BRSK2: variants seen among roughly 807,000 people sequenced by gnomAD.
The protein encoded by BRSK2 is BR serine/threonine kinase 2.
A neutral mutation model predicts 83.3 loss-of-function variants in BRSK2; 19 were observed. That is an observed-to-expected ratio of 0.23 (90% CI 0.16 to 0.33). BRSK2 has a LOEUF of 0.33. Among genes scored for constraint, BRSK2 ranks in the 10% least tolerant of loss-of-function variants. BRSK2 has a pLI of 1.00. For missense variants in BRSK2, 798 were observed against 1,042.3 expected (o/e 0.77, Z 3.23); for synonymous variants, 519 against 435.4 (o/e 1.19, Z -2.39).
intron 1 of BRSK2, among the ~76,000 whole-genome samples, chr11:1,429,292 G>C (rs1440081274): frequency 9.1e-6 from 1 of 110,088 alleles, no homozygotes; most frequent in African/African-American, 5.0e-5. Context: ...TGTGTGCACT[G>C]GGCGTGTGTC....
intron 1 of BRSK2, among the ~76,000 whole-genome samples, chr11:1,418,869 G>T (rs943924273): frequency 3.9e-5 from 6 of 152,240 alleles, no homozygotes; most frequent in African/African-American, 1.4e-4. Flanking sequence ...GCAAATTTCT[G>T]TTCAGCTCTA....
At chr11:1,424,449 G>T (rs1448902966) in intron 1 of BRSK2, among the ~76,000 whole-genome samples, 1 of 152,256 alleles carries the variant, frequency 6.6e-6, no homozygotes, top group African/African-American at 2.4e-5. Context: ...CAGGCAGACA[G>T]TGGAGGCTGT....
At chr11:1,443,464 G>A (rs1851625052) in intron 7 of BRSK2, 25 bp from the exon 8 acceptor site, 2 of 1,573,156 alleles carry the variant, frequency 1.3e-6, no homozygotes, top group African/African-American at 2.7e-5. Flanking sequence ...CCCCCACGCT[G>A]ACCCCCACAC....
In BRSK2 at chr11:1,423,408, G is replaced by A. The variant is rs2132864304; in HGVS notation, c.92-12632G>A. Among the ~76,000 whole-genome samples, 1 of 152,236 alleles carries A rather than the reference G, an allele frequency of 6.6e-6. No individual in the cohort carries two copies. The highest frequency in any genetic ancestry group is 1.9e-4 in the East Asian group (1 of 5,164). On this transcript the variant is annotated intron_variant, in intron 1 of 19. Coordinates refer to ENST00000528841, the MANE Select transcript of BRSK2 (RefSeq NM_001256627.2). This position sits in a 1 kb window ranked among gnomAD's most constrained non-coding sequence, Gnocchi z 6.5. ...TCAGGCACGTGGAGAGTGTGTGTGG[G>A]GAGAAGTTCTGAGACTGTGGGAGGG...
intron 1 of BRSK2, among the ~76,000 whole-genome samples, chr11:1,409,007 C>A (rs1847132902): frequency 6.6e-6 from 1 of 151,416 alleles, no homozygotes; most frequent in Non-Finnish European, 1.5e-5. Context: ...CAGGGGTGTG[C>A]ATATGTGTCT....
chr11:1,396,247 A>ACCCACGTCCCCCG lies in BRSK2; in HGVS notation c.91+5873_91+5874insCCACGTCCCCCGC, dbSNP rs1846096522. Among the ~76,000 whole-genome samples the ACCCACGTCCCCCG allele has an allele frequency of 6.1e-5, 6 of 98,740 alleles. No individual in the cohort carries two copies. The South Asian group carries it at 1.9e-3, about 31-fold the overall frequency. 64.8% of individuals were successfully genotyped at this position (98,740 alleles called of 152,430 possible). On this transcript the variant is annotated intron_variant, in intron 1 of 19. Transcript: ENST00000528841. ...CTCTTCCCTTCCACCCACGTCCCCC[A>ACCCACGTCCCCCG]CTCCTGGTCCCTCTTCCCTTCCACC... is the stretch of plus-strand genomic sequence containing the variant.
chr11:1,417,509 C>T (rs1253348146), intron 1 of BRSK2, among the ~76,000 whole-genome samples: 1 of 150,564 alleles, frequency 6.6e-6, no homozygotes, highest in Non-Finnish European at 1.5e-5. Context: ...GCTGTTTCTT[C>T]TCTTGAGAGT....
At chr11:1,429,314 T>C (rs1237143398) in intron 1 of BRSK2, among the ~76,000 whole-genome samples, 3 of 108,798 alleles carry the variant, frequency 2.8e-5, no homozygotes, top group Admixed American at 9.2e-5. Context: ...TGGGTGTGTG[T>C]GCGTGTGCGC....
chr11:1,442,418 G>A (rs1851467401), intron 4 of BRSK2, 72 bp from the exon 5 acceptor site: 1 of 1,188,376 alleles, frequency 8.4e-7, no homozygotes, highest in Non-Finnish European at 1.2e-6. Context: ...GCTCTGGGCA[G>A]GGGGTCTCCA....
At position 1,407,358 on chromosome 11, in the gene BRSK2, C is replaced by A. The variant is rs114215723; in HGVS notation, c.91+16983C>A. Among the ~76,000 whole-genome samples the A allele has an allele frequency of 9.0e-3, 1,371 of 152,298 alleles. 21 individuals carry two copies. The highest frequency in any genetic ancestry group is 0.031 in the African/African-American group (1,276 of 41,568). ...GCCCTCTGGCAACACCGTGGTGTCC[C>A]CACAGGAAGTAGGTTCCTGGCCCCA... On this transcript the variant is annotated intron_variant, in intron 1 of 19. Coordinates refer to ENST00000528841, the MANE Select transcript of BRSK2 (RefSeq NM_001256627.2).
In BRSK2 at chr11:1,438,533, T is replaced by G. The variant is rs1266108017; in HGVS notation, c.272+142T>G. 1.4e-6 allele frequency: 1 copy of G among 710,242 alleles called. No homozygotes were observed. Among genetic ancestry groups the G allele is most frequent in the Admixed American group, 2.6e-5 (1 of 38,768 alleles). The allele number at this position is 710,242 out of a possible 1,614,324, so 44.0% of individuals were successfully genotyped here. On this transcript the variant is annotated intron_variant, in intron 3 of 19. Transcript: ENST00000528841. This position sits in a 1 kb window ranked among gnomAD's most constrained non-coding sequence, Gnocchi z 6.4. ...CCCAGCAGCCCTGGCCCTGCTAGCA[T>G]GAACACCTGCCTGGGTAGGGTCTCA... is the stretch of plus-strand genomic sequence containing the variant.
rs1375554972 is a variant in BRSK2 at position 1,454,204 on chromosome 11, G to C, written c.1545-281G>C. 5 of 316,008 alleles carry C rather than the reference G, an allele frequency of 1.6e-5. No homozygotes were observed. The highest frequency in any genetic ancestry group is 1.4e-4 in the South Asian group (4 of 28,432). The allele number at this position is 316,008 out of a possible 1,614,324, so 19.6% of individuals were successfully genotyped here. A position where few individuals can be genotyped will look rare whatever the true frequency, so the allele number is the denominator to read the frequency against. ...GCTCACCTGTGGAGGGGCATCCCCAGACTTGGGAGTGGGTGGCATATGGGC... is the reference window on the plus strand; with the variant it reads ...GCTCACCTGTGGAGGGGCATCCCCACACTTGGGAGTGGGTGGCATATGGGC... On this transcript the variant is annotated intron_variant, in intron 15 of 19. Coordinates refer to ENST00000528841, the MANE Select transcript of BRSK2 (RefSeq NM_001256627.2). This position sits in a 1 kb window ranked among gnomAD's most constrained non-coding sequence, Gnocchi z 5.2.
rs61869030 is a variant in BRSK2 at position 1,451,752 on chromosome 11, C to T, written c.1544+333C>T. Among the ~76,000 whole-genome samples, 1,104 of 152,260 alleles carry T rather than the reference C, an allele frequency of 7.3e-3. 7 individuals are homozygous for T. Among genetic ancestry groups the T allele is most frequent in the Non-Finnish European group, 0.011 (743 of 68,002 alleles). On this transcript the variant is annotated intron_variant, in intron 15 of 19. Transcript: ENST00000528841. ...GGCAGAGACCGGGTCGCTCAGGTCTCAAGGAGAAAGCAGCCCGTGTTAAGA... is the reference window on the plus strand; with the variant it reads ...GGCAGAGACCGGGTCGCTCAGGTCTTAAGGAGAAAGCAGCCCGTGTTAAGA...
chr11:1,454,733 C>T lies in BRSK2; in HGVS notation c.1668+125C>T. ...GCGCACAGCACGGACGTCCGCTCAC[C>T]CGTGGGCCTGCCTGGCCGCCTTCAC... On this transcript the variant is annotated intron_variant, in intron 16 of 19. Coordinates refer to ENST00000528841, the MANE Select transcript of BRSK2 (RefSeq NM_001256627.2). This position sits in a 1 kb window ranked among gnomAD's most constrained non-coding sequence, Gnocchi z 5.2. 7.7e-7 allele frequency: 1 copy of T among 1,293,006 alleles called. No homozygotes were observed. The highest frequency in any genetic ancestry group is 1.1e-6 in the Non-Finnish European group (1 of 949,468). The allele number at this position is 1,293,006 out of a possible 1,614,324, so 80.1% of individuals were successfully genotyped here. A position where few individuals can be genotyped will look rare whatever the true frequency, so the allele number is the denominator to read the frequency against.
At chr11:1,392,532 G>T (rs138897473) in intron 1 of BRSK2, among the ~76,000 whole-genome samples, 3 of 152,216 alleles carry the variant, frequency 2.0e-5, no homozygotes, top group Non-Finnish European at 2.9e-5. Context: ...TGAGAGGGAG[G>T]TGGTCAGTGG....
Position 1,461,095 on chromosome 11 carries a change from GC to G in BRSK2, c.*376del. ...GCCGGGCAGTGAGGCCCAGCCCAGC[GC>G]CCCGTCCACCCCGCGGCAGCTCCTC... On this transcript the variant is annotated 3_prime_UTR_variant, in exon 20 of 20. Transcript: ENST00000528841. The G allele has an allele frequency of 6.6e-7, 1 of 1,519,978 alleles. No individual in the cohort carries two copies. The allele number at this position is 1,519,978 out of a possible 1,614,324, so 94.2% of individuals were successfully genotyped here.
At position 1,445,887 on chromosome 11, in the gene BRSK2, G is replaced by T. The variant is rs376516938; in HGVS notation, c.1206G>T (p.Glu402Asp). 16 of 1,610,930 alleles carry T rather than the reference G, an allele frequency of 9.9e-6. 1 individual carries two copies. The South Asian group carries it at 1.8e-4, about 18-fold the overall frequency. Residue 402 changes from glutamate to aspartate, a missense_variant, in exon 12 of 20, where the codon GAG (glutamate) becomes GAT (aspartate). Coordinates refer to ENST00000528841, the MANE Select transcript of BRSK2 (RefSeq NM_001256627.2). ...GSPVPARRAI[E>D]MAQHGQRSRS... is the part of the protein sequence containing the mutation. ...CGGTGCCTGCGCGGCGGGCCATTGA[G>T]ATGGCCCAGCACGGCCAGAGGTGTG...
At chr11:1,422,342 C>T (rs544636082) in intron 1 of BRSK2, among the ~76,000 whole-genome samples, 10 of 152,240 alleles carry the variant, frequency 6.6e-5, no homozygotes, top group South Asian at 2.1e-4. Context: ...CCCTGTCTGC[C>T]GTGTGCCACC....
intron 2 of BRSK2, among the ~76,000 whole-genome samples, chr11:1,437,294 A>G (rs536904458): frequency 3.5e-4 from 53 of 152,156 alleles, no homozygotes; most frequent in African/African-American, 1.2e-3. Flanking sequence ...AGGCTGGCCA[A>G]CTCGCCAGGG....
Sources: gnomAD v4.1 joint callset for allele counts (sites outside exome capture counted in the v4.1 genomes callset) on GRCh38, gnomAD v4.1.1 for gene constraint, Gnocchi (gnomAD v3.1) non-coding constraint, MANE v1.5 for transcripts, NCBI Gene and HGNC (gene_info 2026-07-23, HGNC 2026-07-21) for gene names.